THSD7B: variants seen among roughly 807,000 people sequenced by gnomAD.
THSD7B encodes the protein thrombospondin type-1 domain-containing protein 7B.
Under a neutral mutation model 213.6 loss-of-function variants are expected in THSD7B, and 138 were observed. That is an observed-to-expected ratio of 0.65 (90% confidence interval 0.56 to 0.74). The LOEUF is 0.74. Among genes scored for constraint, THSD7B ranks in the 30% least tolerant of loss-of-function variants. The probability of loss-of-function intolerance (pLI) is 0.00; values close to 1 mark genes in which losing one functional copy is unlikely to be tolerated. For synonymous variants in THSD7B, 742 were observed against 687.0 expected (o/e 1.08, Z -1.25); for missense variants, 1,931 against 1,991.5 (o/e 0.97, Z 0.58).
intron 7 of THSD7B, among the ~76,000 whole-genome samples, chr2:137,208,471 G>T (rs1214792379): frequency 1.3e-5 from 2 of 151,978 alleles, no homozygotes; most frequent in Non-Finnish European, 2.9e-5. Flanking sequence ...GCCCAGGAAA[G>T]GCCTACGCAA....
intron 4 of THSD7B, among the ~76,000 whole-genome samples, chr2:137,098,819 C>G (rs1688088894): frequency 6.6e-6 from 1 of 152,086 alleles, no homozygotes; most frequent in Non-Finnish European, 1.5e-5. Flanking sequence ...GGAATTGTAA[C>G]TAACAGGAGA....
intron 2 of THSD7B, among the ~76,000 whole-genome samples, chr2:137,055,429 A>T (rs1347696210): frequency 2.0e-5 from 3 of 152,182 alleles, no homozygotes; most frequent in Non-Finnish European, 2.9e-5. Flanking sequence ...ACATATTTAA[A>T]TAAAATGAAA....
intron 12 of THSD7B, among the ~76,000 whole-genome samples, chr2:137,319,380 T>G (rs148121167): frequency 8.7e-4 from 132 of 152,278 alleles, no homozygotes; most frequent in African/African-American, 3.1e-3. Context: ...ATCTGTACCA[T>G]GATGTCCACC....
intron 12 of THSD7B, among the ~76,000 whole-genome samples, chr2:137,360,899 T>G (rs979260933): frequency 6.6e-6 from 1 of 152,140 alleles, no homozygotes; most frequent in Non-Finnish European, 1.5e-5. Flanking sequence ...ACAGACTGCC[T>G]CCTCAAGTGG....
At chr2:137,394,343 G>C (rs1686118922) in intron 12 of THSD7B, among the ~76,000 whole-genome samples, 1 of 129,070 alleles carries the variant, frequency 7.7e-6, no homozygotes, top group Admixed American at 7.8e-5. Context: ...TTTGTATAAG[G>C]TGTAAGGAAG....
At chr2:137,564,938 A>G (rs1681204017) in intron 16 of THSD7B, among the ~76,000 whole-genome samples, 1 of 152,190 alleles carries the variant, frequency 6.6e-6, no homozygotes, top group Admixed American at 6.5e-5. Flanking sequence ...GACCATTTGG[A>G]AATAAATAGG....
intron 20 of THSD7B, among the ~76,000 whole-genome samples, chr2:137,625,216 A>T (rs1682599771): frequency 6.6e-6 from 1 of 151,758 alleles, no homozygotes; most frequent in African/African-American, 2.4e-5. Context: ...TGAGCAAACT[A>T]TCACAAGGTC....
At chr2:137,057,799 T>G (rs1362393943) in intron 3 of THSD7B, among the ~76,000 whole-genome samples, 2 of 152,186 alleles carry the variant, frequency 1.3e-5, no homozygotes, top group African/African-American at 4.8e-5. Flanking sequence ...GGTATTAACT[T>G]GCGCAAGCAG....
At chr2:137,519,899 G>C (rs567079635) in intron 15 of THSD7B, among the ~76,000 whole-genome samples, 1 of 152,292 alleles carries the variant, frequency 6.6e-6, no homozygotes, top group South Asian at 2.1e-4. Context: ...ACATATCTCA[G>C]AGAATGAGTG....
At chr2:137,562,377 A>G (rs948220231) in intron 15 of THSD7B, among the ~76,000 whole-genome samples, 26 of 152,054 alleles carry the variant, frequency 1.7e-4, no homozygotes, top group Admixed American at 2.6e-4. Context: ...TCCTCATATA[A>G]AGGAGCAATG....
At chr2:137,526,818 A>G (rs1680289070) in intron 15 of THSD7B, among the ~76,000 whole-genome samples, 1 of 152,166 alleles carries the variant, frequency 6.6e-6, no homozygotes, top group Non-Finnish European at 1.5e-5. Flanking sequence ...ATAAGAGGGT[A>G]TTGGCCTATA....
At chr2:137,597,481 T>A in intron 17 of THSD7B, among the ~76,000 whole-genome samples, 1 of 151,484 alleles carries the variant, frequency 6.6e-6, no homozygotes, top group East Asian at 1.9e-4. Context: ...TTTTTTTTTT[T>A]AAGATGCTTT....
chr2:136,978,722 G>A (rs141781726), intron 2 of THSD7B, among the ~76,000 whole-genome samples: 2 of 152,092 alleles, frequency 1.3e-5, no homozygotes, highest in Admixed American at 1.3e-4. Flanking sequence ...ACACTGATGG[G>A]TCTTGACTCT....
At chr2:137,070,125 A>G (rs1347771122) in intron 3 of THSD7B, among the ~76,000 whole-genome samples, 1 of 151,630 alleles carries the variant, frequency 6.6e-6, no homozygotes, top group African/African-American at 2.4e-5. Context: ...CAGATAACCA[A>G]CTTCCTTATT....
chr2:137,634,202 T>C (rs1558866592), intron 20 of THSD7B, among the ~76,000 whole-genome samples: 1 of 152,264 alleles, frequency 6.6e-6, no homozygotes, highest in Non-Finnish European at 1.5e-5. Context: ...GGTGTTTTAG[T>C]TGGCCAACCC....
rs1386625885 is a variant in THSD7B, at chr2:137,414,406, G to GTA, written c.2959+2535_2959+2536insAT. ...ACTAATAAAGACTTAGTGTGTGTGT[G>GTA]TGTATATATATATATCCATCCATGA... On this transcript the variant is annotated intron_variant, in intron 14 of 27. Transcript: ENST00000409968. 1.1e-4 allele frequency among the ~76,000 whole-genome samples: 17 copies of GTA among 152,142 alleles called. No individual in the cohort carries two copies. In the South Asian group the frequency reaches 1.2e-3, roughly 11 times the overall value.
chr2:137,415,664 G>GTTT (rs10563702), intron 14 of THSD7B, among the ~76,000 whole-genome samples: 146 of 80,044 alleles, frequency 1.8e-3, no homozygotes, highest in Admixed American at 2.9e-3. Flanking sequence ...TTATATCAGT[G>GTTT]TTTTTTTTTT....
intron 5 of THSD7B, among the ~76,000 whole-genome samples, chr2:137,125,258 A>G (rs75538416): frequency 0.022 from 3,402 of 152,256 alleles, 136 homozygotes; most frequent in African/African-American, 0.076. Flanking sequence ...GCATTTTACC[A>G]GTAGTAGAAC....
intron 14 of THSD7B, among the ~76,000 whole-genome samples, chr2:137,442,389 C>A (rs1687433498): frequency 6.6e-6 from 1 of 151,812 alleles, no homozygotes; most frequent in South Asian, 2.1e-4. Context: ...TTTGTTGTGC[C>A]AAGCTTGATC....
Sources: gnomAD v4.1 joint callset for allele counts (sites outside exome capture counted in the v4.1 genomes callset) on GRCh38, gnomAD v4.1.1 for gene constraint, MANE v1.5 for transcripts, NCBI Gene and HGNC (gene_info 2026-07-23, HGNC 2026-07-21) for gene names.